Variants in AGER observed in about 807,000 individuals in gnomAD.
AGER encodes advanced glycation end product-specific receptor.
Under a neutral mutation model 48.8 loss-of-function variants are expected in AGER, and 46 were observed. That is an observed-to-expected ratio of 0.94 (90% confidence interval 0.74 to 1.20). The LOEUF (loss-of-function observed/expected upper bound fraction) is 1.20, where lower values mean the gene tolerates loss of function less well. AGER is among the 50% of genes most tolerant of loss of function. AGER has a pLI of 0.00. For synonymous variants in AGER, 170 were observed against 199.9 expected (o/e 0.85, Z 1.26); for missense variants, 489 against 515.0 (o/e 0.95, Z 0.49).
Position 32,183,740 on chromosome 6 carries a change from C to G in AGER, c.170G>C (p.Arg57Pro). 6.2e-7 allele frequency: 1 copy of G among 1,612,894 alleles called. No individual in the cohort carries two copies. Among genetic ancestry groups the G allele is most frequent in the South Asian group, 1.1e-5 (1 of 91,082 alleles). ...QRLEWKLNTG[R>P]TEAWKVLSPQ... is the part of the protein sequence containing the mutation. The stretch of plus-strand genomic sequence containing the variant: ...AGACAGGACCTTCCAAGCTTCTGTC[C>G]GGCCTGTGTTCTAGAAGCAGAGAAG... Residue 57 changes from arginine to proline, a missense_variant, in exon 3 of 11, where the codon CGG (arginine) becomes CCG (proline). Transcript: ENST00000375076.
At position 32,181,167 on chromosome 6, in the gene AGER, G is replaced by A. The variant is rs990748212; in HGVS notation, c.1191C>T (p.Gly397=). Residue 397 remains glycine (G), a synonymous_variant, in exon 11 of 11, where the codon GGC becomes GGT. Transcript: ENST00000375076. The surrounding 1 kb of genome is among the most constrained non-coding windows in gnomAD (Gnocchi z 4.1). ...CTCAAGGCCCTCCAGTACTACTCTC[G>A]CCTGCCTCAGGTTCCTCCGACTGAT... ...ELNQSEEPEA[G]ESSTGGP is the part of the protein sequence containing the mutation. 9 of 1,614,190 alleles carry A rather than the reference G, an allele frequency of 5.6e-6. No homozygotes were observed. The highest frequency in any genetic ancestry group is 2.2e-5 in the South Asian group (2 of 91,078).
intron 1 of AGER, 65 bp downstream of exon 1, chr6:32,184,106 G>A (rs1786781154): frequency 3.7e-6 from 6 of 1,605,066 alleles, no homozygotes; most frequent in African/African-American, 1.3e-5. Flanking sequence ...GTTCTAGGAC[G>A]ACTGGGGTGT....
chr6:32,182,170 A>G lies in AGER; in HGVS notation c.964+77T>C. On this transcript the variant is annotated intron_variant, in intron 8 of 10. Transcript: ENST00000375076. The surrounding 1 kb of genome is among the most constrained non-coding windows in gnomAD (Gnocchi z 5.1). Reference sequence around the variant, plus strand: ...GGGTGGCTGTTAGGGATAAGGCCAGAATGGGGCAGGAAATTAGAGCCTGTG... The same window carrying G: ...GGGTGGCTGTTAGGGATAAGGCCAGGATGGGGCAGGAAATTAGAGCCTGTG... 6.2e-7 allele frequency: 1 copy of G among 1,602,858 alleles called. No individual in the cohort carries two copies. Among genetic ancestry groups the G allele is most frequent in the Non-Finnish European group, 8.5e-7 (1 of 1,173,104 alleles).
At position 32,182,289 on chromosome 6, in the gene AGER, G is replaced by T; in HGVS notation, c.922C>A (p.His308Asn). Residue 308 changes from histidine to asparagine, a missense_variant, in exon 8 of 11, where the codon CAC (histidine) becomes AAC (asparagine). His to Asn is a moderately conservative substitution (Grantham distance 68, BLOSUM62 1). Coordinates refer to ENST00000375076, the MANE Select transcript of AGER (RefSeq NM_001136.5). The surrounding 1 kb of genome is among the most constrained non-coding windows in gnomAD (Gnocchi z 5.1). ...TYSCVATHSS[H>N]GPQESRAVSI... ...ACAGCACGGCTTTCCTGGGGCCCGT[G>T]GCTGGAATGGGTGGCCACACAGCTG... 1.2e-6 allele frequency: 2 copies of T among 1,612,890 alleles called. No individual in the cohort carries two copies. Among genetic ancestry groups the T allele is most frequent in the South Asian group, 2.2e-5 (2 of 91,080 alleles).
At position 32,182,996 on chromosome 6, in the gene AGER, C is replaced by T; in HGVS notation, c.536G>A (p.Arg179Lys). Reference protein sequence around the residue: ...KGVSVKEQTRRHPETGLFTLQ... With the variant: ...KGVSVKEQTRKHPETGLFTLQ... ...TGTGAAGAGCCCTGTCTCAGGGTGT[C>T]TCCTGGTCTGTTCCTTCACAGATAC... Residue 179 changes from arginine to lysine, a missense_variant, in exon 6 of 11, where the codon AGA becomes AAA. By Grantham distance (26) the Arg-to-Lys change is conservative. Coordinates refer to ENST00000375076, the MANE Select transcript of AGER (RefSeq NM_001136.5). The surrounding 1 kb of genome is among the most constrained non-coding windows in gnomAD (Gnocchi z 5.1). 6.2e-7 allele frequency: 1 copy of T among 1,613,076 alleles called. No individual in the cohort carries two copies. Among genetic ancestry groups the T allele is most frequent in the Non-Finnish European group, 8.5e-7 (1 of 1,180,032 alleles).
At position 32,182,384 on chromosome 6, in the gene AGER, A is replaced by G; in HGVS notation, c.827T>C (p.Val276Ala). Reference protein sequence around the residue: ...SPQIHWMKDGVPLPLPPSPVL... With the variant: ...SPQIHWMKDGAPLPLPPSPVL... ...AGGGCTGGGGGGAAGGGGCAAGGGC[A>G]CACCCTGGTGGGGGAAGGGGAGAGG... is the stretch of plus-strand genomic sequence containing the variant. Residue 276 changes from valine (V) to alanine (A), a missense_variant, in exon 8 of 11, where the codon GTG (valine) becomes GCG (alanine). Val to Ala is a moderately conservative substitution (Grantham distance 64). Coordinates refer to ENST00000375076, the MANE Select transcript of AGER (RefSeq NM_001136.5). The surrounding 1 kb of genome is among the most constrained non-coding windows in gnomAD (Gnocchi z 5.1). 6.2e-7 allele frequency: 1 copy of G among 1,610,690 alleles called. No homozygotes were observed. Among genetic ancestry groups the G allele is most frequent in the Non-Finnish European group, 8.5e-7 (1 of 1,178,764 alleles).
In AGER at chr6:32,182,771, C is replaced by T. The variant is rs1219123508; in HGVS notation, c.691+70G>A. On this transcript the variant is annotated intron_variant, in intron 6 of 10. Coordinates refer to ENST00000375076, the MANE Select transcript of AGER (RefSeq NM_001136.5). The surrounding 1 kb of genome is among the most constrained non-coding windows in gnomAD (Gnocchi z 5.1). ...TCCCAGTGGCCATGGGCTTGACTCC[C>T]TCTTTCCCTAAGGGTCAGACTTCCA... 3 of 1,612,776 alleles carry T rather than the reference C, an allele frequency of 1.9e-6. No individual in the cohort carries two copies. The highest frequency in any genetic ancestry group is 3.3e-5 in the Admixed American group (2 of 60,010).
chr6:32,184,214 G>C lies in AGER; in HGVS notation c.9C>G (p.Ala3=), dbSNP rs774744635. MA[A]GTAVGAWVLV... ...GCACCCAGGCTCCAACTGCTGTTCC[G>C]GCAGCCATCCTGCTTCCTTCCAGGG... The change falls in exon 1 of 11, where the codon GCC becomes GCG. Residue 3 remains alanine, a synonymous_variant. Coordinates refer to ENST00000375076, the MANE Select transcript of AGER (RefSeq NM_001136.5). 3.1e-6 allele frequency: 5 copies of C among 1,612,558 alleles called. No homozygotes were observed. Among genetic ancestry groups the C allele is most frequent in the African/African-American group, 1.3e-5 (1 of 74,878 alleles).
At position 32,182,286 on chromosome 6, in the gene AGER, C is replaced by G. The variant is rs138186526; in HGVS notation, c.925G>C (p.Gly309Arg). ...CTGACAGCACGGCTTTCCTGGGGCC[C>G]GTGGCTGGAATGGGTGGCCACACAG... ...YSCVATHSSH[G>R]PQESRAVSIS... The change falls in exon 8 of 11, where the codon GGG becomes CGG. Residue 309 changes from glycine (G) to arginine (R), a missense_variant. Transcript: ENST00000375076. This position sits in a 1 kb window ranked among gnomAD's most constrained non-coding sequence, Gnocchi z 5.1. 6.2e-7 allele frequency: 1 copy of G among 1,612,720 alleles called. No individual in the cohort carries two copies. Among genetic ancestry groups the G allele is most frequent in the Non-Finnish European group, 8.5e-7 (1 of 1,179,978 alleles).
In AGER at chr6:32,181,728, T is replaced by G; in HGVS notation, c.965-96A>C. ...CCAGTGGAGTCTTTCCCTTTCTTTTTTTTTTTGAGATGGAGTTTCACTTTT... is the reference window on the plus strand; with the variant it reads ...CCAGTGGAGTCTTTCCCTTTCTTTTGTTTTTTGAGATGGAGTTTCACTTTT... On this transcript the variant is annotated intron_variant, in intron 8 of 10. Transcript: ENST00000375076. The surrounding 1 kb of genome is among the most constrained non-coding windows in gnomAD (Gnocchi z 4.1). 4 of 1,314,340 alleles carry G rather than the reference T, an allele frequency of 3.0e-6. No homozygotes were observed. Among genetic ancestry groups the G allele is most frequent in the Non-Finnish European group, 4.2e-6 (4 of 947,080 alleles). The allele number at this position is 1,314,340 out of a possible 1,614,324, so 81.4% of individuals were successfully genotyped here.
At position 32,183,203 on chromosome 6, in the gene AGER, TG is replaced by T. The variant is rs753611716; in HGVS notation, c.421-3del. The stretch of plus-strand genomic sequence containing the variant: ...TCCCTCTGACACACATGTCCCCACC[TG>T]GGGAAAGAGTGGTGACCTCAGAATC... On this transcript the variant is annotated splice_polypyrimidine_tract_variant and splice_region_variant and intron_variant, in intron 4 of 10. Coordinates refer to ENST00000375076, the MANE Select transcript of AGER (RefSeq NM_001136.5). The T allele has an allele frequency of 5.1e-4, 824 of 1,613,048 alleles. No homozygotes were observed. Among genetic ancestry groups the T allele is most frequent in the Non-Finnish European group, 6.7e-4 (789 of 1,179,998 alleles).
chr6:32,182,319 T>C lies in AGER; in HGVS notation c.892A>G (p.Thr298Ala), dbSNP rs748764768. The change falls in exon 8 of 11, where the codon ACC becomes GCC. Residue 298 changes from threonine to alanine, a missense_variant. Transcript: ENST00000375076. This position sits in a 1 kb window ranked among gnomAD's most constrained non-coding sequence, Gnocchi z 5.1. Reference protein sequence around the residue: ...LPEIGPQDQGTYSCVATHSSH... With the variant: ...LPEIGPQDQGAYSCVATHSSH... Reference sequence around the variant, plus strand: ...GAATGGGTGGCCACACAGCTGTAGGTTCCCTGGTCCTGAGGCCCTATCTCA... The same window carrying C: ...GAATGGGTGGCCACACAGCTGTAGGCTCCCTGGTCCTGAGGCCCTATCTCA... 1.2e-6 allele frequency: 2 copies of C among 1,612,682 alleles called. No homozygotes were observed. The highest frequency in any genetic ancestry group is 1.1e-5 in the South Asian group (1 of 91,082).
rs764471105 is a variant in AGER at position 32,183,382 on chromosome 6, G to A, written c.362C>T (p.Pro121Leu). The A allele has an allele frequency of 6.2e-7, 1 of 1,613,098 alleles. No individual in the cohort carries two copies. The highest frequency in any genetic ancestry group is 8.5e-7 in the Non-Finnish European group (1 of 1,180,018). Reference protein sequence around the residue: ...SNYRVRVYQIPGKPEIVDSAS... With the variant: ...SNYRVRVYQILGKPEIVDSAS... ...AGAATCTACAATTTCTGGCTTCCCA[G>A]GAATCTCTGAAGGAGGAAAAATCCA... Residue 121 changes from proline (P) to leucine (L), a missense_variant, in exon 4 of 11, where the codon CCT (proline) becomes CTT (leucine). By Grantham distance (98) the Pro-to-Leu change is moderately conservative (BLOSUM62 -3). Coordinates refer to ENST00000375076, the MANE Select transcript of AGER (RefSeq NM_001136.5).
Position 32,183,942 on chromosome 6 carries a change from G to A in AGER, c.98C>T (p.Pro33Leu), listed in dbSNP as rs199964705. ...AQNITARIGE[P>L]LVLKCKGAPK... is the part of the protein sequence containing the mutation. Reference sequence around the variant, plus strand: ...GGCCCCCTTACACTTCAGCACCAGTGGCTCGCCAATCCGGGCTGTGATGTT... The same window carrying A: ...GGCCCCCTTACACTTCAGCACCAGTAGCTCGCCAATCCGGGCTGTGATGTT... Residue 33 changes from proline to leucine, a missense_variant, in exon 2 of 11, where the codon CCA becomes CTA. Transcript: ENST00000375076. 1.5e-5 allele frequency: 24 copies of A among 1,613,054 alleles called. 1 individual carries two copies. In the Admixed American group the frequency reaches 3.7e-4, roughly 25 times the overall value.
In AGER at chr6:32,181,077, T is replaced by G; in HGVS notation, c.*66A>C. On this transcript the variant is annotated 3_prime_UTR_variant, in exon 11 of 11. Coordinates refer to ENST00000375076, the MANE Select transcript of AGER (RefSeq NM_001136.5). This position sits in a 1 kb window ranked among gnomAD's most constrained non-coding sequence, Gnocchi z 4.1. ...GAGATTATACAGGAGAGAGTTGGTCTGAGGCCAGAACAGTTCAAGGGAAAA... is the reference window on the plus strand; with the variant it reads ...GAGATTATACAGGAGAGAGTTGGTCGGAGGCCAGAACAGTTCAAGGGAAAA... 6.5e-7 allele frequency: 1 copy of G among 1,539,042 alleles called. No individual in the cohort carries two copies. The highest frequency in any genetic ancestry group is 9.0e-7 in the Non-Finnish European group (1 of 1,114,148).
rs1786568441 is a variant in AGER at position 32,183,189 on chromosome 6, C to T, written c.433G>A (p.Val145Met). Residue 145 changes from valine to methionine, a missense_variant, in exon 5 of 11, where the codon GTG becomes ATG. Val to Met is a conservative substitution (Grantham distance 21). Coordinates refer to ENST00000375076, the MANE Select transcript of AGER (RefSeq NM_001136.5). ...AGVPNKVGTC[V>M]SEGSYPAGTL... ...CCTGCAGGGTAGCTTCCCTCTGACACACATGTCCCCACCTGGGGAAAGAGT... is the reference window on the plus strand; with the variant it reads ...CCTGCAGGGTAGCTTCCCTCTGACATACATGTCCCCACCTGGGGAAAGAGT... 6.2e-7 allele frequency: 1 copy of T among 1,613,104 alleles called. No individual in the cohort carries two copies. Among genetic ancestry groups the T allele is most frequent in the Non-Finnish European group, 8.5e-7 (1 of 1,180,014 alleles).
chr6:32,181,166 C>T lies in AGER; in HGVS notation c.1192G>A (p.Glu398Lys), dbSNP rs1786112312. ...CCTCAAGGCCCTCCAGTACTACTCT[C>T]GCCTGCCTCAGGTTCCTCCGACTGA... ...LNQSEEPEAG[E>K]SSTGGP The change falls in exon 11 of 11, where the codon GAG becomes AAG. Residue 398 changes from glutamate (E) to lysine (K), a missense_variant. Glu to Lys is a moderately conservative substitution (Grantham distance 56). Coordinates refer to ENST00000375076, the MANE Select transcript of AGER (RefSeq NM_001136.5). This position sits in a 1 kb window ranked among gnomAD's most constrained non-coding sequence, Gnocchi z 4.1. 2.5e-6 allele frequency: 4 copies of T among 1,614,108 alleles called. No individual in the cohort carries two copies. Among genetic ancestry groups the T allele is most frequent in the Non-Finnish European group, 3.4e-6 (4 of 1,180,036 alleles).
rs757188869 is a variant in AGER at position 32,181,525 on chromosome 6, A to T, written c.992-48T>A. The T allele has an allele frequency of 6.2e-7, 1 of 1,613,004 alleles. No individual in the cohort carries two copies. Among genetic ancestry groups the T allele is most frequent in the East Asian group, 2.2e-5 (1 of 44,880 alleles). On this transcript the variant is annotated intron_variant, in intron 9 of 10. Coordinates refer to ENST00000375076, the MANE Select transcript of AGER (RefSeq NM_001136.5). This position sits in a 1 kb window ranked among gnomAD's most constrained non-coding sequence, Gnocchi z 4.1. ...GAGAGCACAGCCACCACCACTCACC[A>T]TTCCTTTCTTGTTGACCATCCCCCC...
intron 3 of AGER, 26 bp downstream of exon 3, chr6:32,183,529 C>T (rs760499873): frequency 1.2e-6 from 2 of 1,613,032 alleles, no homozygotes; most frequent in South Asian, 2.2e-5. Flanking sequence ...AGAGGGAGGC[C>T]TTGGAGAAGA....
Sources: allele counts gnomAD v4.1 joint callset, GRCh38; gene constraint gnomAD v4.1.1; non-coding constraint Gnocchi (gnomAD v3.1); transcripts MANE v1.5; gene names NCBI Gene and HGNC (gene_info 2026-07-23, HGNC 2026-07-21).